Variants in CTBP2 observed in about 807,000 individuals in gnomAD.
CTBP2 encodes the protein C-terminal-binding protein 2.
CTBP2 carries 30 observed loss-of-function variants against 80.3 expected under a neutral mutation model. The observed-to-expected ratio is 0.37, with a 90% confidence interval of 0.28 to 0.51. The LOEUF is 0.51. Among genes scored for constraint, CTBP2 ranks in the 20% least tolerant of loss-of-function variants. CTBP2 has a pLI of 0.93. For synonymous variants in CTBP2, 594 were observed against 587.4 expected, an observed-to-expected ratio of 1.01 and a Z score of -0.16; for missense variants, 1,212 against 1,375.3, an observed-to-expected ratio of 0.88 and a Z score of 1.88.
rs1486640045 is a variant in CTBP2 at position 124,993,094 on chromosome 10, A to G, written c.2659+108T>C. On this transcript the variant is annotated intron_variant, in intron 7 of 8. Coordinates refer to ENST00000309035, the MANE Select transcript of CTBP2 (RefSeq NM_022802.3). ...CCCAACTCATATAAATTTGATGCTA[A>G]AAGTGAATTCTACCTGTCGAGAGCT... 4.4e-6 allele frequency: 6 copies of G among 1,378,308 alleles called. No homozygotes were observed. In the East Asian group the frequency reaches 1.4e-4, roughly 33 times the overall value. The allele number at this position is 1,378,308 out of a possible 1,614,324, so 85.4% of individuals were successfully genotyped here.
Position 125,026,727 on chromosome 10 carries a change from G to C in CTBP2, c.1033C>G (p.Leu345Val), listed in dbSNP as rs764006614. 1 of 1,612,918 alleles carries C rather than the reference G, an allele frequency of 6.2e-7. No homozygotes were observed. ...ATTTCGGTCCTGCAGCTATTGGCCA[G>C]GCGGCTCAGAACACGGGCCTGGCCC... is the stretch of plus-strand genomic sequence containing the variant. Residue 345 changes from leucine to valine, a missense_variant, in exon 1 of 9, where the codon CTG (leucine) becomes GTG (valine). By Grantham distance (32) the Leu-to-Val change is conservative. Transcript: ENST00000309035.
Position 125,062,794 on chromosome 10 carries a change from T to C in CTBP2, c.-101-23639A>G, listed in dbSNP as rs555471406. 1.1e-4 allele frequency among the ~76,000 whole-genome samples: 17 copies of C among 152,298 alleles called. No homozygotes were observed. In the East Asian group the frequency reaches 3.3e-3, roughly 29 times the overall value. On this transcript the variant is annotated intron_variant, in intron 2 of 10. Transcript: ENST00000337195. ...AGGATAATCTCTTGAACCTGGGAGA[T>C]GGAGGTTGCACTGAGCTGAGATTGC...
At chr10:125,134,168 A>T (rs1049501314) in intron 1 of CTBP2, among the ~76,000 whole-genome samples, 1 of 152,188 alleles carries the variant, frequency 6.6e-6, no homozygotes, top group Admixed American at 6.5e-5. Context: ...CAACGACCAG[A>T]TTTAACAAGC....
Position 124,993,206 on chromosome 10 carries a change from G to A in CTBP2, c.2655C>T (p.Ile885=). The change falls in exon 7 of 9, where the codon ATC becomes ATT. Residue 885 remains isoleucine (I), a synonymous_variant. Transcript: ENST00000309035. The stretch of plus-strand genomic sequence containing the variant: ...CAGAGGCACGGAGGGGCTCACCTGT[G>A]ATGGCTCGGCGGATCTCGGTGGCAG... The A allele has an allele frequency of 1.9e-6, 3 of 1,596,870 alleles. No individual in the cohort carries two copies. The highest frequency in any genetic ancestry group is 1.7e-6 in the Non-Finnish European group (2 of 1,167,152).
chr10:125,161,337 T>C (rs1482209490), upstream of CTBP2, among the ~76,000 whole-genome samples: 10 of 151,102 alleles, frequency 6.6e-5, no homozygotes, highest in African/African-American at 1.9e-4. Context: ...TGGCTCGGGG[T>C]CCGCTGCTCC....
rs920791170 is a variant in CTBP2 at position 124,988,287 on chromosome 10, T to G, written c.*1231A>C. ...ATGCAATTGCCTTAAACATCTCAAGTAGAGAACATTTACATTAGTGAGATG... is the reference window on the plus strand; with the variant it reads ...ATGCAATTGCCTTAAACATCTCAAGGAGAGAACATTTACATTAGTGAGATG... On this transcript the variant is annotated 3_prime_UTR_variant, in exon 9 of 9. Coordinates refer to ENST00000309035, the MANE Select transcript of CTBP2 (RefSeq NM_022802.3). 4 of 152,798 alleles carry G rather than the reference T, an allele frequency of 2.6e-5. No individual in the cohort carries two copies. Among genetic ancestry groups the G allele is most frequent in the Middle Eastern group, 6.8e-3 (2 of 294 alleles). The allele number at this position is 152,798 out of a possible 1,614,324, so 9.5% of individuals were successfully genotyped here. A position where few individuals can be genotyped will look rare whatever the true frequency, so the allele number is the denominator to read the frequency against.
At chr10:125,128,535 C>G (rs1855632099) in intron 1 of CTBP2, among the ~76,000 whole-genome samples, 1 of 152,206 alleles carries the variant, frequency 6.6e-6, no homozygotes, top group South Asian at 2.1e-4. Flanking sequence ...GTGAACTCCA[C>G]AGCCCACGCC....
At chr10:125,128,921 G>A (rs1270328576) in intron 1 of CTBP2, among the ~76,000 whole-genome samples, 1 of 152,204 alleles carries the variant, frequency 6.6e-6, no homozygotes, top group Non-Finnish European at 1.5e-5. Context: ...GGGTGAGCGG[G>A]TAAAGAAACT....
At chr10:125,084,257 G>A (rs1231209141) in intron 2 of CTBP2, among the ~76,000 whole-genome samples, 6 of 152,166 alleles carry the variant, frequency 3.9e-5, no homozygotes, top group South Asian at 2.1e-4. Context: ...GAGCCCAGCC[G>A]GCTGCTGTTT....
chr10:124,991,668 C>T (rs1346298777), intron 8 of CTBP2, among the ~76,000 whole-genome samples: 1 of 152,070 alleles, frequency 6.6e-6, no homozygotes, highest in African/African-American at 2.4e-5. Flanking sequence ...TACTGGCATC[C>T]CGTGGGTAGA....
intron 1 of CTBP2, among the ~76,000 whole-genome samples, chr10:125,130,881 G>A (rs1856058569): frequency 6.6e-6 from 1 of 152,144 alleles, no homozygotes; most frequent in Non-Finnish European, 1.5e-5. Flanking sequence ...ACCCAGAGAG[G>A]GCAAAGGGCT....
At chr10:125,156,050 T>A (rs1365892987) in intron 1 of CTBP2, among the ~76,000 whole-genome samples, 3 of 152,072 alleles carry the variant, frequency 2.0e-5, no homozygotes, top group African/African-American at 7.2e-5. Flanking sequence ...TTCCATTAAG[T>A]ACAAATACTT....
At chr10:125,046,328 G>T (rs1168286946) in intron 2 of CTBP2, among the ~76,000 whole-genome samples, 1 of 152,116 alleles carries the variant, frequency 6.6e-6, no homozygotes, top group Non-Finnish European at 1.5e-5. Context: ...CATGAGGTCA[G>T]AAGTTCGAGA....
At chr10:125,098,760 G>C (rs937616783) in intron 2 of CTBP2, among the ~76,000 whole-genome samples, 4 of 127,886 alleles carry the variant, frequency 3.1e-5, no homozygotes, top group African/African-American at 9.3e-5. Flanking sequence ...CAGAGAGAGA[G>C]AGAGAGAGAG....
chr10:125,002,402 G>T (rs970881447), intron 3 of CTBP2, among the ~76,000 whole-genome samples: 1 of 152,206 alleles, frequency 6.6e-6, no homozygotes. Flanking sequence ...CTGGGTTCCC[G>T]CCTGCTGCCT....
At chr10:124,997,794 C>T in intron 4 of CTBP2, 170 bp downstream of exon 6, 1 of 646,906 alleles carries the variant, frequency 1.5e-6, no homozygotes. Flanking sequence ...GGGTGAGTTG[C>T]CTGATGGGTC....
intron 2 of CTBP2, among the ~76,000 whole-genome samples, chr10:125,045,519 T>C (rs1174114003): frequency 3.3e-5 from 5 of 151,730 alleles, no homozygotes; most frequent in South Asian, 2.1e-4. Flanking sequence ...GCAGGACCCT[T>C]TCTTTCTTTT....
At chr10:125,062,825 T>A (rs1269789984) in intron 2 of CTBP2, among the ~76,000 whole-genome samples, 1 of 152,182 alleles carries the variant, frequency 6.6e-6, no homozygotes, top group Non-Finnish European at 1.5e-5. Context: ...ATTGCGCCAC[T>A]GGGCGCCTGG....
intron 2 of CTBP2, among the ~76,000 whole-genome samples, chr10:125,089,073 A>G (rs1466056295): frequency 1.3e-5 from 2 of 152,254 alleles, no homozygotes; most frequent in African/African-American, 4.8e-5. Flanking sequence ...TAATAGGGTA[A>G]GAATAACATC....
Sources: gnomAD v4.1 joint callset for allele counts (sites outside exome capture counted in the v4.1 genomes callset) on GRCh38, gnomAD v4.1.1 for gene constraint, MANE v1.5 for transcripts, NCBI Gene and HGNC (gene_info 2026-07-23, HGNC 2026-07-21) for gene names.